Variants in IGF2BP3 observed in about 807,000 individuals in gnomAD.
IGF2BP3 encodes insulin-like growth factor 2 mRNA-binding protein 3.
In IGF2BP3, 9 loss-of-function variants were observed where a neutral mutation model predicts 73.8. That is an observed-to-expected ratio of 0.12 (90% CI 0.07 to 0.21). The LOEUF is 0.21. Among genes scored for constraint, IGF2BP3 ranks in the 10% least tolerant of loss-of-function variants. The pLI is 1.00. For missense variants in IGF2BP3, 542 were observed against 714.0 expected (o/e 0.76, Z 2.75); for synonymous variants, 258 against 256.7 (o/e 1.01, Z -0.05).
intron 2 of IGF2BP3, among the ~76,000 whole-genome samples, chr7:23,443,824 A>G (rs1272614289): frequency 6.6e-6 from 1 of 152,004 alleles, no homozygotes; most frequent in Non-Finnish European, 1.5e-5. Context: ...CCTGGCTAAC[A>G]CGGTGAAACC....
At chr7:23,317,365 AT>A (rs984494873) in intron 12 of IGF2BP3, among the ~76,000 whole-genome samples, 1 of 152,332 alleles carries the variant, frequency 6.6e-6, no homozygotes, top group Non-Finnish European at 1.5e-5. Flanking sequence ...AGGTTTGTAA[AT>A]TTTAAGGTCT....
intron 5 of IGF2BP3, among the ~76,000 whole-genome samples, chr7:23,358,451 G>T (rs978878625): frequency 6.6e-6 from 1 of 152,180 alleles, no homozygotes; most frequent in African/African-American, 2.4e-5. Flanking sequence ...AACCCATGGA[G>T]CAGGCCTATG....
intron 2 of IGF2BP3, among the ~76,000 whole-genome samples, chr7:23,433,747 ATTTG>A (rs66688951): frequency 0.17 from 25,488 of 152,074 alleles, 2,412 homozygotes; most frequent in South Asian, 0.27. Flanking sequence ...ATTAAATTTA[ATTTG>A]TTTGTCAAGG....
At chr7:23,408,265 T>A (rs1786909557) in intron 3 of IGF2BP3, among the ~76,000 whole-genome samples, 1 of 152,116 alleles carries the variant, frequency 6.6e-6, no homozygotes, top group African/African-American at 2.4e-5. Context: ...GCATACAGAC[T>A]ATAAAGGAAT....
intron 5 of IGF2BP3, among the ~76,000 whole-genome samples, chr7:23,353,810 G>A (rs986481167): frequency 6.6e-5 from 10 of 152,134 alleles, no homozygotes; most frequent in African/African-American, 1.2e-4. Context: ...TTAAGTTAAC[G>A]CTGTACTTTC....
At chr7:23,452,367 A>T (rs1306045468) in intron 2 of IGF2BP3, among the ~76,000 whole-genome samples, 2 of 152,346 alleles carry the variant, frequency 1.3e-5, no homozygotes, top group East Asian at 3.9e-4. Context: ...CTATTAAACA[A>T]TATGGAAAAA....
intron 2 of IGF2BP3, among the ~76,000 whole-genome samples, chr7:23,451,172 C>T (rs1474280818): frequency 6.6e-6 from 1 of 152,200 alleles, no homozygotes; most frequent in Non-Finnish European, 1.5e-5. Flanking sequence ...AATCCCAGTA[C>T]TTTGGGAGGC....
At chr7:23,464,438 T>C (rs1788517161) in intron 2 of IGF2BP3, among the ~76,000 whole-genome samples, 1 of 152,186 alleles carries the variant, frequency 6.6e-6, no homozygotes, top group Non-Finnish European at 1.5e-5. Flanking sequence ...ATTCATAGTG[T>C]TGGGCAACTA....
chr7:23,350,983 T>TG (rs1325891894), intron 6 of IGF2BP3, among the ~76,000 whole-genome samples: 1 of 152,074 alleles, frequency 6.6e-6, no homozygotes, highest in Non-Finnish European at 1.5e-5. Context: ...TGAGGGCAGG[T>TG]GGGGGGTAAG....
intron 3 of IGF2BP3, among the ~76,000 whole-genome samples, chr7:23,412,688 T>C (rs1323292883): frequency 1.3e-5 from 2 of 152,218 alleles, no homozygotes; most frequent in African/African-American, 4.8e-5. Flanking sequence ...TGTCTTCCTT[T>C]ACATAAGGTC....
At chr7:23,408,895 C>T (rs35875486) in intron 3 of IGF2BP3, among the ~76,000 whole-genome samples, 6,972 of 152,272 alleles carry the variant, frequency 0.046, 231 homozygotes, top group Non-Finnish European at 0.067. Flanking sequence ...CTGACACATA[C>T]TACGACAGCG....
intron 3 of IGF2BP3, among the ~76,000 whole-genome samples, chr7:23,368,726 C>T (rs1461945903): frequency 4.6e-5 from 7 of 151,904 alleles, no homozygotes; most frequent in African/African-American, 1.5e-4. Context: ...GGAGAAACCT[C>T]GCACCTACTA....
intron 2 of IGF2BP3, chr7:23,450,840 A>G (rs570022674): frequency 6.6e-6 from 1 of 152,364 alleles, no homozygotes; most frequent in East Asian, 1.9e-4. Context: ...CAGGAGATCA[A>G]GACCAGTCTG....
intron 9 of IGF2BP3, among the ~76,000 whole-genome samples, chr7:23,343,417 T>C (rs1250983088): frequency 1.3e-5 from 2 of 152,192 alleles, no homozygotes; most frequent in Admixed American, 1.3e-4. Context: ...TTAAACTCTC[T>C]CAAATTAACA....
chr7:23,408,766 T>C (rs765514288), intron 3 of IGF2BP3, among the ~76,000 whole-genome samples: 4 of 152,182 alleles, frequency 2.6e-5, no homozygotes, highest in Non-Finnish European at 4.4e-5. Context: ...ACATTCACGG[T>C]GGCATTGATC....
chr7:23,435,292 CAAAAAAA>C (rs35846648), intron 2 of IGF2BP3, among the ~76,000 whole-genome samples: 5 of 47,960 alleles, frequency 1.0e-4, no homozygotes, highest in African/African-American at 3.0e-4. Flanking sequence ...GACTCTGTCT[CAAAAAAA>C]AAAAAAAAAA....
At chr7:23,386,747 A>G (rs1393313930) in intron 3 of IGF2BP3, among the ~76,000 whole-genome samples, 2 of 151,968 alleles carry the variant, frequency 1.3e-5, no homozygotes, top group African/African-American at 4.8e-5. Context: ...CAAACTAACA[A>G]ATACTATTTC....
chr7:23,427,516 T>G (rs569709707), intron 2 of IGF2BP3, among the ~76,000 whole-genome samples: 10 of 151,172 alleles, frequency 6.6e-5, no homozygotes, highest in African/African-American at 2.2e-4. Flanking sequence ...GAGACCAAGG[T>G]GGAAGGATCG....
intron 3 of IGF2BP3, among the ~76,000 whole-genome samples, chr7:23,387,182 G>C (rs182578769): frequency 6.6e-6 from 1 of 152,242 alleles, no homozygotes; most frequent in African/African-American, 2.4e-5. Context: ...GATATAATGA[G>C]AATGACATTT....
Sources: allele counts gnomAD v4.1 joint callset (sites outside exome capture counted in the v4.1 genomes callset), GRCh38; gene constraint gnomAD v4.1.1; transcripts MANE v1.5; gene names NCBI Gene and HGNC (gene_info 2026-07-23, HGNC 2026-07-21).